The following SEC14L5 variants were observed in gnomAD, a reference collection of about 807,000 sequenced individuals.
The protein encoded by SEC14L5 is SEC14-like protein 5.
A neutral mutation model predicts 84.6 loss-of-function variants in SEC14L5; 96 were observed. The ratio of observed to expected loss-of-function variants is 1.13; its 90% CI spans 0.96 to 1.34. The LOEUF (loss-of-function observed/expected upper bound fraction) is 1.34. Ranked by LOEUF, SEC14L5 falls within the 40% of genes most tolerant of loss-of-function variation. The probability of loss-of-function intolerance (pLI) is 0.00; values close to 1 mark genes in which losing one functional copy is unlikely to be tolerated. For synonymous variants in SEC14L5, 546 were observed against 383.4 expected, an observed-to-expected ratio of 1.42 and a Z score of -4.95; for missense variants, 1,224 against 942.5, an observed-to-expected ratio of 1.30 and a Z score of -3.91.
chr16:4,984,782 T>C (rs1955466156), intron 2 of SEC14L5, among the ~76,000 whole-genome samples: 1 of 152,254 alleles, frequency 6.6e-6, no homozygotes, highest in Non-Finnish European at 1.5e-5. Flanking sequence ...TGCATTTCCC[T>C]AGTGACTAAT....
intron 2 of SEC14L5, among the ~76,000 whole-genome samples, chr16:4,966,520 C>T (rs147531161): frequency 5.3e-4 from 80 of 152,080 alleles, no homozygotes; most frequent in Non-Finnish European, 9.6e-4. Context: ...GGTAATCACC[C>T]GACTTAGCCT....
chr16:4,982,568 G>A (rs1285491273), intron 2 of SEC14L5, among the ~76,000 whole-genome samples: 1 of 152,156 alleles, frequency 6.6e-6, no homozygotes, highest in African/African-American at 2.4e-5. Flanking sequence ...ACAGAGCCTG[G>A]GGCTGACCTG....
In SEC14L5 at chr16:4,980,191, T is replaced by TA. The variant is rs756671667; in HGVS notation, c.64-7365dup. Among the ~76,000 whole-genome samples the TA allele has an allele frequency of 5.9e-5, 9 of 152,322 alleles. No individual in the cohort carries two copies. In the South Asian group the frequency reaches 1.9e-3, roughly 32 times the overall value. On this transcript the variant is annotated intron_variant, in intron 2 of 15. Transcript: ENST00000251170. ...GGATGAAGCGAGGCAGTTAACACTTTATAAAGTCCTTAACAACAGTGTCCA... is the reference window on the plus strand; with the variant it reads ...GGATGAAGCGAGGCAGTTAACACTTTAATAAAGTCCTTAACAACAGTGTCCA...
At chr16:5,012,422 A>G (rs1353436445) in intron 15 of SEC14L5, among the ~76,000 whole-genome samples, 1 of 152,126 alleles carries the variant, frequency 6.6e-6, no homozygotes, top group East Asian at 1.9e-4. Flanking sequence ...CTCATGAGAA[A>G]ATCAGTTCAA....
chr16:4,980,747 G>T (rs888973591), intron 2 of SEC14L5, among the ~76,000 whole-genome samples: 1 of 152,190 alleles, frequency 6.6e-6, no homozygotes, highest in African/African-American at 2.4e-5. Context: ...GGAAGAGGCA[G>T]TCGTGCCTAG....
chr16:5,013,952 C>G (rs12051353), intron 15 of SEC14L5, among the ~76,000 whole-genome samples: 39,921 of 152,050 alleles, frequency 0.26, 5,572 homozygotes, highest in African/African-American at 0.33. Flanking sequence ...CTCAGCCTTT[C>G]AAAGTGTTGG....
intron 1 of SEC14L5, among the ~76,000 whole-genome samples, chr16:4,958,856 A>T (rs2142463425): frequency 6.6e-6 from 1 of 151,990 alleles, no homozygotes; most frequent in South Asian, 2.1e-4. Context: ...CTGGGAGGAA[A>T]ATGGGAGGGC....
At chr16:4,979,301 C>G (rs905176451) in intron 2 of SEC14L5, among the ~76,000 whole-genome samples, 1 of 152,146 alleles carries the variant, frequency 6.6e-6, no homozygotes, top group Non-Finnish European at 1.5e-5. Context: ...ACACAGTGCA[C>G]CAACCCCATG....
chr16:4,998,907 ACCC>A (rs1333036544), intron 8 of SEC14L5, among the ~76,000 whole-genome samples: 2 of 152,016 alleles, frequency 1.3e-5, no homozygotes, highest in African/African-American at 4.8e-5. Flanking sequence ...TTTACTTGTA[ACCC>A]CCAAATCAGT....
At chr16:4,961,208 C>G (rs1568097346) in intron 2 of SEC14L5, among the ~76,000 whole-genome samples, 1 of 152,078 alleles carries the variant, frequency 6.6e-6, no homozygotes, top group African/African-American at 2.4e-5. Context: ...AGGAGGCAGA[C>G]GTTGCAGAGA....
intron 3 of SEC14L5, 55 bp downstream of exon 3, chr16:4,987,761 G>T: frequency 7.4e-7 from 1 of 1,347,300 alleles, no homozygotes; most frequent in Non-Finnish European, 9.7e-7. Context: ...GGAGGTGCGG[G>T]AGGGCTGGGC....
At chr16:4,993,118 C>A (rs745496211) in intron 6 of SEC14L5, among the ~76,000 whole-genome samples, 38 of 152,148 alleles carry the variant, frequency 2.5e-4, no homozygotes, top group Non-Finnish European at 4.4e-4. Context: ...TCGTGTCTCT[C>A]TGTAACCTTG....
intron 2 of SEC14L5, among the ~76,000 whole-genome samples, chr16:4,973,533 G>T (rs1258501040): frequency 1.3e-5 from 2 of 152,188 alleles, no homozygotes; most frequent in African/African-American, 4.8e-5. Context: ...AAAGTTGGGG[G>T]GTCTACCCCA....
chr16:4,966,267 CTTTTTTTTTTTT>C (rs1019686741), intron 2 of SEC14L5, among the ~76,000 whole-genome samples: 5 of 78,770 alleles, frequency 6.3e-5, no homozygotes, highest in African/African-American at 9.5e-5. Context: ...CGCCCGGCCT[CTTTTTTTTTTTT>C]TTTTTTTTTT....
chr16:4,958,425 C>A lies in SEC14L5; in HGVS notation c.-72C>A, dbSNP rs965269468. The A allele has an allele frequency of 6.6e-6, 1 of 152,298 alleles. No homozygotes were observed. Among genetic ancestry groups the A allele is most frequent in the Non-Finnish European group, 1.5e-5 (1 of 68,046 alleles). 9.4% of individuals were successfully genotyped at this position (152,298 alleles called of 1,614,324 possible). A position where few individuals can be genotyped will look rare whatever the true frequency, so the allele number is the denominator to read the frequency against. ...GGCGGGACACACCAGGCTAGAGATCCGCGATCGGGCCCCGCCTCAGGTACT... is the reference window on the plus strand; with the variant it reads ...GGCGGGACACACCAGGCTAGAGATCAGCGATCGGGCCCCGCCTCAGGTACT... On this transcript the variant is annotated 5_prime_UTR_variant, in exon 1 of 16. Coordinates refer to ENST00000251170, the MANE Select transcript of SEC14L5 (RefSeq NM_014692.2).
chr16:4,969,604 G>A (rs1298292954), intron 2 of SEC14L5, among the ~76,000 whole-genome samples: 1 of 151,300 alleles, frequency 6.6e-6, no homozygotes, highest in African/African-American at 2.5e-5. Context: ...GGCTGGTCTT[G>A]AACTCCTGAC....
intron 2 of SEC14L5, among the ~76,000 whole-genome samples, chr16:4,972,829 A>G (rs1191288021): frequency 6.6e-6 from 1 of 152,168 alleles, no homozygotes; most frequent in Non-Finnish European, 1.5e-5. Flanking sequence ...TTAAGTCTCC[A>G]TTGGTTTGCT....
chr16:5,015,149 T>A lies in SEC14L5; in HGVS notation c.*179T>A, dbSNP rs557673301. 2.7e-5 allele frequency: 16 copies of A among 594,850 alleles called. No individual in the cohort carries two copies. Among genetic ancestry groups the A allele is most frequent in the Non-Finnish European group, 3.6e-5 (12 of 336,036 alleles). The allele number at this position is 594,850 out of a possible 1,614,324, so 36.8% of individuals were successfully genotyped here. ...ATCCAGAACTGGCCTGTGGGTGGTG[T>A]CAGGGCTCTTGAAATTGCAAGGACA... On this transcript the variant is annotated 3_prime_UTR_variant, in exon 16 of 16. Coordinates refer to ENST00000251170, the MANE Select transcript of SEC14L5 (RefSeq NM_014692.2).
intron 13 of SEC14L5, among the ~76,000 whole-genome samples, chr16:5,008,149 C>G (rs2142530511): frequency 6.6e-6 from 1 of 152,098 alleles, no homozygotes; most frequent in Middle Eastern, 3.4e-3. Flanking sequence ...CTCCTGACCT[C>G]AAGTGATCCA....
Sources: gnomAD v4.1 joint callset for allele counts (sites outside exome capture counted in the v4.1 genomes callset) on GRCh38, gnomAD v4.1.1 for gene constraint, MANE v1.5 for transcripts, NCBI Gene and HGNC (gene_info 2026-07-23, HGNC 2026-07-21) for gene names.